The following CNNM1 variants were observed in gnomAD, a reference collection of about 807,000 sequenced individuals.
The protein encoded by CNNM1 is cyclin and CBS domain divalent metal cation transport mediator 1.
Under a neutral mutation model 78.8 loss-of-function variants are expected in CNNM1, and 44 were observed. That is an observed-to-expected ratio of 0.56 (90% CI 0.44 to 0.72). CNNM1 has a LOEUF of 0.72. CNNM1 is among the 30% of genes least tolerant of loss of function. The probability of loss-of-function intolerance (pLI) is 0.00; values close to 1 mark genes in which losing one functional copy is unlikely to be tolerated. For synonymous variants in CNNM1, 584 were observed against 581.5 expected (o/e 1.00, Z -0.06); for missense variants, 1,101 against 1,292.2 (o/e 0.85, Z 2.27).
intron 6 of CNNM1, among the ~76,000 whole-genome samples, chr10:99,366,013 T>A (rs2031604706): frequency 6.6e-6 from 1 of 152,164 alleles, no homozygotes; most frequent in Non-Finnish European, 1.5e-5. Context: ...AAATACAGAT[T>A]TCAGATCCAT....
chr10:99,331,531 T>C (rs2029909191), intron 1 of CNNM1, among the ~76,000 whole-genome samples: 1 of 152,202 alleles, frequency 6.6e-6, no homozygotes, highest in Non-Finnish European at 1.5e-5. Flanking sequence ...TTCTTCCCCA[T>C]ACTTAATTTC....
Position 99,377,059 on chromosome 10 carries a change from C to T in CNNM1, c.2181C>T (p.Asn727=). The T allele has an allele frequency of 7.4e-7, 1 of 1,358,318 alleles. No individual in the cohort carries two copies. Among genetic ancestry groups the T allele is most frequent in the Non-Finnish European group, 9.8e-7 (1 of 1,022,756 alleles). The allele number at this position is 1,358,318 out of a possible 1,614,324, so 84.1% of individuals were successfully genotyped here. ...GSLAGSSVFL[N]RSPSRCSGLN... is the part of the protein sequence containing the mutation. ...TCCATCTCTCACCATCTGCAGTAAA[C>T]CGGTCCCCTTCTCGCTGCAGTGGGT... Residue 727 remains asparagine (N), a synonymous_variant, in exon 7 of 11, where the codon AAC becomes AAT. Transcript: ENST00000356713.
rs1850561843 is a variant in CNNM1, at chr10:99,329,886, C to G, written c.499C>G (p.Leu167Val). 1.4e-6 allele frequency: 2 copies of G among 1,393,486 alleles called. No homozygotes were observed. Among genetic ancestry groups the G allele is most frequent in the Admixed American group, 3.7e-5 (1 of 27,136 alleles). 86.3% of individuals were successfully genotyped at this position (1,393,486 alleles called of 1,614,324 possible). A position where few individuals can be genotyped will look rare whatever the true frequency, so the allele number is the denominator to read the frequency against. The change falls in exon 1 of 11, where the codon CTG (leucine) becomes GTG (valine). Residue 167 changes from leucine (L) to valine (V), a missense_variant. Leu to Val is a conservative substitution (Grantham distance 32). This residue lies in a region of CNNM1 where 476 missense variants were observed against 484.5 expected (regional missense o/e 0.98). Transcript: ENST00000356713. ...SALVQVRVRE[L>V]RKGEAERGGA... Reference sequence around the variant, plus strand: ...CCTGGTCCAGGTGCGAGTGCGGGAGCTGCGCAAGGGCGAAGCGGAGCGGGG... The same window carrying G: ...CCTGGTCCAGGTGCGAGTGCGGGAGGTGCGCAAGGGCGAAGCGGAGCGGGG...
chr10:99,389,654 G>A (rs1031101078), intron 9 of CNNM1, among the ~76,000 whole-genome samples: 3 of 152,084 alleles, frequency 2.0e-5, no homozygotes, highest in African/African-American at 7.2e-5. Context: ...GTCCACCCTC[G>A]TCCTGTGACA....
chr10:99,332,982 A>T (rs1365154318), intron 1 of CNNM1, among the ~76,000 whole-genome samples: 1 of 152,152 alleles, frequency 6.6e-6, no homozygotes, highest in African/African-American at 2.4e-5. Flanking sequence ...TAAACCACAG[A>T]AATTTATTTC....
At chr10:99,367,228 A>G (rs745500206) in intron 6 of CNNM1, among the ~76,000 whole-genome samples, 1 of 152,140 alleles carries the variant, frequency 6.6e-6, no homozygotes, top group Non-Finnish European at 1.5e-5. Context: ...AAAAGGCAAT[A>G]AAATCTTGTA....
Position 99,360,819 on chromosome 10 carries a change from C to T in CNNM1, c.1718-16C>T. The T allele has an allele frequency of 1.3e-6, 2 of 1,589,220 alleles. No individual in the cohort carries two copies. The highest frequency in any genetic ancestry group is 1.3e-5 in the African/African-American group (1 of 74,510). ...GATTCTGAGATAGCTGTAATCTGTC[C>T]TCTGTGACCCCACAGCTGACAATCG... is the stretch of plus-strand genomic sequence containing the variant. On this transcript the variant is annotated splice_polypyrimidine_tract_variant and intron_variant, in intron 2 of 10. Transcript: ENST00000356713.
In CNNM1 at chr10:99,390,294, T is replaced by C. The variant is rs548084481; in HGVS notation, c.2675-12T>C. On this transcript the variant is annotated splice_polypyrimidine_tract_variant and intron_variant, in intron 9 of 10. Coordinates refer to ENST00000356713, the MANE Select transcript of CNNM1 (RefSeq NM_020348.3). ...GTTGAGACAACTTGAGTTCTCTCCTTTCCTTTCTCAGCATCAGATAGTGAA... is the reference window on the plus strand; with the variant it reads ...GTTGAGACAACTTGAGTTCTCTCCTCTCCTTTCTCAGCATCAGATAGTGAA... 3.7e-5 allele frequency: 59 copies of C among 1,601,138 alleles called. No homozygotes were observed. The highest frequency in any genetic ancestry group is 3.4e-5 in the Non-Finnish European group (40 of 1,171,438).
intron 1 of CNNM1, among the ~76,000 whole-genome samples, chr10:99,335,465 G>T (rs1183690742): frequency 6.6e-6 from 1 of 152,200 alleles, no homozygotes; most frequent in Non-Finnish European, 1.5e-5. Context: ...GCTAGGGGAT[G>T]TATAACCATT....
rs961276473 is a variant in CNNM1 at position 99,377,124 on chromosome 10, T to G, written c.2246T>G (p.Phe749Cys). The G allele has an allele frequency of 6.2e-7, 1 of 1,610,758 alleles. No homozygotes were observed. Among genetic ancestry groups the G allele is most frequent in the East Asian group, 2.2e-5 (1 of 44,788 alleles). Reference protein sequence around the residue: ...SESPNRERSDFGGSNTQLYSS... With the variant: ...SESPNRERSDCGGSNTQLYSS... ...TCTCCAAACCGAGAGCGCAGTGACTTTGGGGGCAGCAACACCCAGCTGTAC... is the reference window on the plus strand; with the variant it reads ...TCTCCAAACCGAGAGCGCAGTGACTGTGGGGGCAGCAACACCCAGCTGTAC... The change falls in exon 7 of 11, where the codon TTT becomes TGT. Residue 749 changes from phenylalanine to cysteine, a missense_variant. Physicochemically the swap from Phe to Cys is radical, Grantham distance 205. This residue lies in a region of CNNM1 where 348 missense variants were observed against 384.5 expected (regional missense o/e 0.90). Transcript: ENST00000356713.
At chr10:99,338,948 T>G (rs1454148469) in intron 1 of CNNM1, among the ~76,000 whole-genome samples, 1 of 152,208 alleles carries the variant, frequency 6.6e-6, no homozygotes, top group Non-Finnish European at 1.5e-5. Context: ...CGTAGAGATT[T>G]ATCATACTTC....
At chr10:99,347,902 C>CG (rs61664578) in intron 1 of CNNM1, among the ~76,000 whole-genome samples, 22,039 of 151,928 alleles carry the variant, frequency 0.15, 2,138 homozygotes, top group African/African-American at 0.27. Context: ...AGTTCATCCC[C>CG]GTCTCCCTTC....
intron 1 of CNNM1, among the ~76,000 whole-genome samples, chr10:99,344,368 G>A (rs1171972191): frequency 6.6e-6 from 1 of 151,310 alleles, no homozygotes; most frequent in African/African-American, 2.4e-5. Flanking sequence ...GGGGAATAGT[G>A]ATACTACATT....
intron 7 of CNNM1, among the ~76,000 whole-genome samples, chr10:99,380,199 A>C (rs563176792): frequency 6.6e-6 from 1 of 152,180 alleles, no homozygotes; most frequent in African/African-American, 2.4e-5. Context: ...TCACCTGCCA[A>C]AGGCCCCACC....
chr10:99,392,564 G>A lies in CNNM1; in HGVS notation c.*1048G>A, dbSNP rs1478305245. Reference sequence around the variant, plus strand: ...TACTACACCCTAGCAGATCAGCTGAGTGTACTTTATTCCAAGAACTTACTG... The same window carrying A: ...TACTACACCCTAGCAGATCAGCTGAATGTACTTTATTCCAAGAACTTACTG... On this transcript the variant is annotated 3_prime_UTR_variant, in exon 11 of 11. Transcript: ENST00000356713. 1 of 152,524 alleles carries A rather than the reference G, an allele frequency of 6.6e-6. No individual in the cohort carries two copies. Among genetic ancestry groups the A allele is most frequent in the East Asian group, 1.9e-4 (1 of 5,192 alleles). The allele number at this position is 152,524 out of a possible 1,614,324, so 9.4% of individuals were successfully genotyped here.
At chr10:99,379,847 A>G (rs929771964) in intron 7 of CNNM1, among the ~76,000 whole-genome samples, 1 of 152,078 alleles carries the variant, frequency 6.6e-6, no homozygotes, top group Non-Finnish European at 1.5e-5. Flanking sequence ...AAATTACCAT[A>G]GACTGTGTGG....
chr10:99,387,938 G>A lies in CNNM1; in HGVS notation c.2459G>A (p.Gly820Asp), dbSNP rs776651105. ...GDSTKAPTTR[G>D]TPQTPKDDPA... ...TCCACTAAGGCCCCCACAACCCGGG[G>A]CACACCCCAGACCCCTAAGGATGAC... Residue 820 changes from glycine (G) to aspartate (D), a missense_variant, in exon 8 of 11, where the codon GGC (glycine) becomes GAC (aspartate). Gly to Asp is a moderately conservative substitution (Grantham distance 94). Coordinates refer to ENST00000356713, the MANE Select transcript of CNNM1 (RefSeq NM_020348.3). 10 of 1,612,448 alleles carry A rather than the reference G, an allele frequency of 6.2e-6. No homozygotes were observed. The highest frequency in any genetic ancestry group is 8.5e-7 in the Non-Finnish European group (1 of 1,179,186).
intron 4 of CNNM1, among the ~76,000 whole-genome samples, chr10:99,364,208 C>A (rs760676319): frequency 1.3e-5 from 2 of 152,112 alleles, no homozygotes; most frequent in Non-Finnish European, 1.5e-5. Flanking sequence ...ATTTTATGAA[C>A]AACGAAGCAC....
chr10:99,344,421 TAAAG>T (rs1205371152), intron 1 of CNNM1, among the ~76,000 whole-genome samples: 5 of 152,200 alleles, frequency 3.3e-5, no homozygotes, highest in Admixed American at 3.3e-4. Flanking sequence ...AGTATAGCCC[TAAAG>T]AGACTCCACC....
Sources: gnomAD v4.1 joint callset for allele counts (sites outside exome capture counted in the v4.1 genomes callset) on GRCh38, gnomAD v4.1.1 for gene constraint, gnomAD v4.1.1 regional missense constraint, MANE v1.5 for transcripts, NCBI Gene and HGNC (gene_info 2026-07-23, HGNC 2026-07-21) for gene names.